Variants in RBFOX2 observed in about 807,000 individuals in gnomAD.
RBFOX2 encodes the protein RNA binding fox-1 homolog 2, also known as RNA binding protein fox-1 homolog 2.
Under a neutral mutation model 49.1 loss-of-function variants are expected in RBFOX2, and 10 were observed. The observed-to-expected ratio is 0.20, with a 90% CI of 0.13 to 0.35. RBFOX2 has a LOEUF of 0.35. Ranked by LOEUF, RBFOX2 falls within the 10% of genes least tolerant of loss-of-function variation. The pLI is 1.00. For synonymous variants in RBFOX2, 183 were observed against 187.4 expected (o/e 0.98, Z 0.19); for missense variants, 323 against 486.9 (o/e 0.66, Z 3.17).
chr22:35,946,862 C>T (rs1289198983), intron 1 of RBFOX2, among the ~76,000 whole-genome samples: 1 of 152,168 alleles, frequency 6.6e-6, no homozygotes, highest in Non-Finnish European at 1.5e-5. Context: ...CTTTGGTCAA[C>T]AACTGATTGC....
At chr22:35,904,370 A>T (rs1179106613) in intron 1 of RBFOX2, among the ~76,000 whole-genome samples, 1 of 152,188 alleles carries the variant, frequency 6.6e-6, no homozygotes, top group African/African-American at 2.4e-5. Flanking sequence ...TGTCAGATAC[A>T]ACTGAAATCT....
At chr22:35,800,382 T>C (rs1163636132) in intron 2 of RBFOX2, among the ~76,000 whole-genome samples, 1 of 152,208 alleles carries the variant, frequency 6.6e-6, no homozygotes, top group Non-Finnish European at 1.5e-5. Context: ...ATAAAGTCCA[T>C]ATTTCTCAGC....
chr22:35,898,271 T>C (rs2048119149), intron 1 of RBFOX2: 2 of 750,954 alleles, frequency 2.7e-6, no homozygotes, highest in African/African-American at 1.7e-5. Context: ...ACATTCACCT[T>C]TCCCATGAGG....
chr22:35,876,679 A>T (rs1005891174), intron 1 of RBFOX2, among the ~76,000 whole-genome samples: 4 of 150,310 alleles, frequency 2.7e-5, no homozygotes, highest in African/African-American at 9.8e-5. Context: ...TAGAACTCTG[A>T]TCACATTCTC....
intron 1 of RBFOX2, among the ~76,000 whole-genome samples, chr22:35,985,933 T>A (rs534237541): frequency 6.6e-6 from 1 of 151,812 alleles, no homozygotes; most frequent in African/African-American, 2.4e-5. Flanking sequence ...GATAGATAGA[T>A]AGATAGATAG....
intron 1 of RBFOX2, among the ~76,000 whole-genome samples, chr22:36,014,760 G>A (rs959903885): frequency 2.0e-5 from 3 of 152,080 alleles, no homozygotes; most frequent in East Asian, 1.9e-4. Context: ...AGAAAATTGC[G>A]CATGCACACA....
At chr22:35,871,793 A>C (rs1219669094) in intron 1 of RBFOX2, among the ~76,000 whole-genome samples, 1 of 152,224 alleles carries the variant, frequency 6.6e-6, no homozygotes, top group East Asian at 1.9e-4. Flanking sequence ...CAAGAAGACC[A>C]GGTGAGTAGA....
intron 1 of RBFOX2, among the ~76,000 whole-genome samples, chr22:35,838,255 A>T (rs1036358721): frequency 2.1e-5 from 3 of 141,726 alleles, no homozygotes; most frequent in African/African-American, 9.2e-5. Context: ...ATAAAGCAGT[A>T]TTTCTTTTCT....
intron 2 of RBFOX2, among the ~76,000 whole-genome samples, chr22:35,792,258 G>A (rs974875024): frequency 1.4e-5 from 2 of 146,812 alleles, no homozygotes; most frequent in Non-Finnish European, 3.0e-5. Context: ...GGAGGTTGCA[G>A]TGAGCCGAGA....
intron 1 of RBFOX2, among the ~76,000 whole-genome samples, chr22:35,857,280 G>C (rs1036582607): frequency 6.6e-6 from 1 of 152,156 alleles, no homozygotes; most frequent in Non-Finnish European, 1.5e-5. Flanking sequence ...ATGAAAAAGG[G>C]AACAACCTAA....
intron 2 of RBFOX2, among the ~76,000 whole-genome samples, chr22:35,798,241 C>G (rs1042066323): frequency 3.9e-5 from 6 of 152,222 alleles, no homozygotes; most frequent in African/African-American, 1.4e-4. Context: ...TCCCAAAGTG[C>G]TGGGATTACA....
At chr22:36,013,487 G>C (rs575490145) in intron 1 of RBFOX2, among the ~76,000 whole-genome samples, 6 of 152,248 alleles carry the variant, frequency 3.9e-5, no homozygotes, top group African/African-American at 1.4e-4. Flanking sequence ...CTGAGGCTTA[G>C]ATAAGTTAAG....
At chr22:35,814,276 TTA>T (rs953915218) in intron 1 of RBFOX2, among the ~76,000 whole-genome samples, 1 of 152,170 alleles carries the variant, frequency 6.6e-6, no homozygotes, top group African/African-American at 2.4e-5. Flanking sequence ...CTCAAGCCCT[TTA>T]TATAAAATGG....
At chr22:35,770,611 A>G (rs767007619) in intron 4 of RBFOX2, among the ~76,000 whole-genome samples, 4 of 152,344 alleles carry the variant, frequency 2.6e-5, no homozygotes, top group South Asian at 2.1e-4. Context: ...TCTATTTACT[A>G]AACTATATTA....
intron 1 of RBFOX2, among the ~76,000 whole-genome samples, chr22:35,812,331 A>AT (rs576637599): frequency 9.1e-4 from 139 of 152,072 alleles, no homozygotes; most frequent in African/African-American, 3.1e-3. Context: ...AAAACTTTAA[A>AT]TTTTTTTGGA....
At chr22:35,985,407 G>GT (rs1309370281) in intron 1 of RBFOX2, among the ~76,000 whole-genome samples, 1 of 152,072 alleles carries the variant, frequency 6.6e-6, no homozygotes, top group Non-Finnish European at 1.5e-5. Context: ...AAGTGCACAG[G>GT]TAGAGACTGT....
chr22:35,761,405 T>G lies in RBFOX2; in HGVS notation c.661+10A>C. The G allele has an allele frequency of 2.5e-6, 4 of 1,614,016 alleles. No homozygotes were observed. The highest frequency in any genetic ancestry group is 3.4e-6 in the Non-Finnish European group (4 of 1,179,852). ...AATAGCACAAGTGGAAACATTTACT[T>G]AAATACTACCTGCATATAACTCCGG... On this transcript the variant is annotated intron_variant, in intron 7 of 11. Transcript: ENST00000405409.
At chr22:35,794,407 C>T (rs1236310146) in intron 2 of RBFOX2, among the ~76,000 whole-genome samples, 1 of 151,970 alleles carries the variant, frequency 6.6e-6, no homozygotes, top group Non-Finnish European at 1.5e-5. Flanking sequence ...ACCTGTAATC[C>T]CAGCACTTTG....
At chr22:35,958,406 A>C (rs1381073499) in intron 1 of RBFOX2, among the ~76,000 whole-genome samples, 1 of 152,208 alleles carries the variant, frequency 6.6e-6, no homozygotes, top group East Asian at 1.9e-4. Context: ...TTATTGTAAC[A>C]ATTTTTATTA....
Sources: allele counts gnomAD v4.1 joint callset (sites outside exome capture counted in the v4.1 genomes callset), GRCh38; gene constraint gnomAD v4.1.1; transcripts MANE v1.5; gene names NCBI Gene and HGNC (gene_info 2026-07-23, HGNC 2026-07-21).